The following CFAP20DC variants were observed in gnomAD, a reference collection of about 807,000 sequenced individuals.
CFAP20DC encodes CFAP20 domain containing, also known as protein CFAP20DC.
CFAP20DC carries 84 observed loss-of-function variants against 101.7 expected under a neutral mutation model. That is an observed-to-expected ratio of 0.83 (90% CI 0.69 to 0.99). CFAP20DC has a LOEUF of 0.99. CFAP20DC is among the 50% of genes least tolerant of loss of function. The probability of loss-of-function intolerance (pLI) is 0.00; values close to 1 mark genes in which losing one functional copy is unlikely to be tolerated. For synonymous variants in CFAP20DC, 359 were observed against 351.2 expected (o/e 1.02, Z -0.25); for missense variants, 1,007 against 970.3 (o/e 1.04, Z -0.50).
intron 4 of CFAP20DC, among the ~76,000 whole-genome samples, chr3:59,027,035 C>T (rs778335209): frequency 3.2e-4 from 48 of 152,138 alleles, no homozygotes; most frequent in Admixed American, 3.9e-4. Context: ...TTACCATTTA[C>T]TGTGAGGAAA....
rs2093464965 is a variant in CFAP20DC, at chr3:59,007,492, G to T, written c.278+32065C>A. Among the ~76,000 whole-genome samples the T allele has an allele frequency of 6.6e-6, 1 of 152,196 alleles. No homozygotes were observed. Among genetic ancestry groups the T allele is most frequent in the Admixed American group, 6.5e-5 (1 of 15,284 alleles). ...GGCTCCCAGCAAGGAGAAAACAACA[G>T]CTATGGCTAACAAGAGGGCCTGAGT... On this transcript the variant is annotated intron_variant, in intron 4 of 16. Transcript: ENST00000482387. This position sits in a 1 kb window ranked among gnomAD's most constrained non-coding sequence, Gnocchi z 4.4.
chr3:58,840,432 A>G (rs541145598), intron 13 of CFAP20DC, among the ~76,000 whole-genome samples: 20 of 152,242 alleles, frequency 1.3e-4, no homozygotes, highest in Non-Finnish European at 2.6e-4. Flanking sequence ...GTAGACACAC[A>G]GAGGGTGGTC....
intron 1 of CFAP20DC, 91 bp downstream of exon 1, chr3:59,049,520 T>G: frequency 8.6e-7 from 1 of 1,165,082 alleles, no homozygotes; most frequent in Admixed American, 2.0e-5. Context: ...ATTATGGGGA[T>G]AGAGGGTGCA....
chr3:58,806,420 T>C lies in CFAP20DC; in HGVS notation c.2212A>G (p.Asn738Asp). 6.2e-7 allele frequency: 1 copy of C among 1,611,390 alleles called. No homozygotes were observed. The highest frequency in any genetic ancestry group is 8.5e-7 in the Non-Finnish European group (1 of 1,177,532). Reference protein sequence around the residue: ...NQGRHYQKEMNPPSPSNPRDW... With the variant: ...NQGRHYQKEMDPPSPSNPRDW... ...CGGGGATTAGAAGGAGAAGGTGGGT[T>C]CATTTCTTTCTGATAGTGGCGACCC... is the stretch of plus-strand genomic sequence containing the variant. The change falls in exon 15 of 17, where the codon AAC becomes GAC. Residue 738 changes from asparagine (N) to aspartate (D), a missense_variant. Physicochemically the swap from Asn to Asp is conservative, Grantham distance 23 (BLOSUM62 1). Transcript: ENST00000482387.
intron 4 of CFAP20DC, among the ~76,000 whole-genome samples, chr3:59,012,031 G>A (rs1050491991): frequency 1.3e-5 from 2 of 152,104 alleles, no homozygotes; most frequent in Non-Finnish European, 1.5e-5. Flanking sequence ...AGACACTGGC[G>A]CTTCGAAATA....
intron 10 of CFAP20DC, among the ~76,000 whole-genome samples, chr3:58,866,906 G>C (rs2079741411): frequency 6.6e-6 from 1 of 150,880 alleles, no homozygotes; most frequent in Admixed American, 6.6e-5. Flanking sequence ...ACTTACACAG[G>C]GATATTTTAG....
chr3:58,797,317 G>A (rs925241072), intron 15 of CFAP20DC, among the ~76,000 whole-genome samples: 2 of 152,172 alleles, frequency 1.3e-5, no homozygotes, highest in African/African-American at 2.4e-5. Context: ...GTAAGAAAGT[G>A]AAACAGCTTT....
intron 4 of CFAP20DC, among the ~76,000 whole-genome samples, chr3:58,980,400 A>T (rs531768447): frequency 6.6e-6 from 1 of 152,152 alleles, no homozygotes; most frequent in Non-Finnish European, 1.5e-5. Context: ...GAGACACAAC[A>T]AAAAAAGAGA....
At chr3:58,922,451 T>C (rs536123218) in intron 5 of CFAP20DC, among the ~76,000 whole-genome samples, 1 of 152,214 alleles carries the variant, frequency 6.6e-6, no homozygotes, top group South Asian at 2.1e-4. Flanking sequence ...GTTTGGGTCA[T>C]GGAGGCAGAT....
intron 14 of CFAP20DC, among the ~76,000 whole-genome samples, chr3:58,820,440 CAA>C (rs2075547986): frequency 1.3e-5 from 2 of 150,082 alleles, no homozygotes; most frequent in African/African-American, 2.4e-5. Flanking sequence ...GCAACTTCAG[CAA>C]AGTCTCAGGA....
chr3:58,928,664 T>C (rs963340089), intron 5 of CFAP20DC, among the ~76,000 whole-genome samples: 11 of 152,220 alleles, frequency 7.2e-5, no homozygotes, highest in African/African-American at 2.7e-4. Context: ...CTTGATGATC[T>C]CACTGCATTG....
At chr3:58,773,207 T>G (rs1274053981) in intron 15 of CFAP20DC, among the ~76,000 whole-genome samples, 1 of 151,860 alleles carries the variant, frequency 6.6e-6, no homozygotes, top group Non-Finnish European at 1.5e-5. Flanking sequence ...GTTTTCTTCC[T>G]CATACTAACT....
chr3:58,968,556 G>A (rs1048857943), intron 4 of CFAP20DC, among the ~76,000 whole-genome samples: 7 of 151,816 alleles, frequency 4.6e-5, no homozygotes, highest in African/African-American at 1.7e-4. Flanking sequence ...CTTTAATGGG[G>A]TTGTTTTTCT....
intron 14 of CFAP20DC, among the ~76,000 whole-genome samples, chr3:58,811,418 G>A (rs1488766833): frequency 1.2e-4 from 18 of 152,046 alleles, no homozygotes; most frequent in Admixed American, 9.8e-4. Flanking sequence ...ACAACTATCT[G>A]ATCTTTGACA....
In CFAP20DC at chr3:58,863,983, A is replaced by C; in HGVS notation, c.1259-91T>G. On this transcript the variant is annotated intron_variant, in intron 11 of 16. Transcript: ENST00000482387. The surrounding 1 kb of genome is among the most constrained non-coding windows in gnomAD (Gnocchi z 5.9). ...TATTTTTAGTTTTAGTTTTTGAGAC[A>C]GTCTCACTCTGCCGCCTAGGCTGCA... 1.6e-6 allele frequency: 2 copies of C among 1,266,824 alleles called. No homozygotes were observed. The highest frequency in any genetic ancestry group is 2.1e-6 in the Non-Finnish European group (2 of 948,240). The allele number at this position is 1,266,824 out of a possible 1,614,324, so 78.5% of individuals were successfully genotyped here. A position where few individuals can be genotyped will look rare whatever the true frequency, so the allele number is the denominator to read the frequency against.
intron 15 of CFAP20DC, among the ~76,000 whole-genome samples, chr3:58,772,385 A>T (rs1575602090): frequency 6.6e-6 from 1 of 152,334 alleles, no homozygotes; most frequent in African/African-American, 2.4e-5. Context: ...GTATATAATT[A>T]TAGAAATACA....
At chr3:58,852,301 T>C (rs1433787926) in intron 12 of CFAP20DC, among the ~76,000 whole-genome samples, 1 of 152,072 alleles carries the variant, frequency 6.6e-6, no homozygotes, top group Non-Finnish European at 1.5e-5. Context: ...ATCCTAAATA[T>C]ATATGCAACC....
At chr3:58,970,909 GC>G (rs1459627716) in intron 4 of CFAP20DC, among the ~76,000 whole-genome samples, 1 of 151,912 alleles carries the variant, frequency 6.6e-6, no homozygotes, top group African/African-American at 2.4e-5. Context: ...AGTAACATTT[GC>G]CTTCCTTGGA....
At chr3:58,744,814 C>T (rs2068082952) in intron 16 of CFAP20DC, among the ~76,000 whole-genome samples, 1 of 152,050 alleles carries the variant, frequency 6.6e-6, no homozygotes, top group Non-Finnish European at 1.5e-5. Flanking sequence ...TAGAGCTGAC[C>T]AGCAAATGAA....
Sources: gnomAD v4.1 joint callset for allele counts (sites outside exome capture counted in the v4.1 genomes callset) on GRCh38, gnomAD v4.1.1 for gene constraint, Gnocchi (gnomAD v3.1) non-coding constraint, MANE v1.5 for transcripts, NCBI Gene and HGNC (gene_info 2026-07-23, HGNC 2026-07-21) for gene names.